The following TSGA10 variants were observed in gnomAD, a reference collection of about 807,000 sequenced individuals.
TSGA10 encodes testis specific 10.
A neutral mutation model predicts 96.6 loss-of-function variants in TSGA10; 43 were observed. The observed-to-expected ratio is 0.44, with a 90% confidence interval of 0.35 to 0.57. TSGA10 has a LOEUF of 0.57. Ranked by LOEUF, TSGA10 falls within the 20% of genes least tolerant of loss-of-function variation. TSGA10 has a pLI of 0.01. For missense variants in TSGA10, 703 were observed against 834.4 expected (o/e 0.84, Z 1.94); for synonymous variants, 229 against 269.9 (o/e 0.85, Z 1.48).
chr2:99,126,862 G>A (rs779678984), intron 2 of TSGA10, 186 bp downstream of exon 2: 54 of 373,180 alleles, frequency 1.4e-4, no homozygotes, highest in Non-Finnish European at 1.3e-4. Context: ...CACTTGACAC[G>A]TAGTTTGCAC....
At chr2:99,099,529 G>C (rs2090462644) in intron 10 of TSGA10, among the ~76,000 whole-genome samples, 1 of 151,988 alleles carries the variant, frequency 6.6e-6, no homozygotes, top group South Asian at 2.1e-4. Flanking sequence ...CATTTTAACA[G>C]AATAAGGGAG....
chr2:99,030,246 T>C (rs1237903752), intron 17 of TSGA10, among the ~76,000 whole-genome samples: 2 of 151,698 alleles, frequency 1.3e-5, no homozygotes, highest in African/African-American at 4.8e-5. Context: ...ACTCGGGAGG[T>C]TGAGGCAGGA....
intron 16 of TSGA10, among the ~76,000 whole-genome samples, chr2:99,045,534 G>A (rs2104285179): frequency 6.6e-6 from 1 of 152,286 alleles, no homozygotes; most frequent in Middle Eastern, 3.4e-3. Flanking sequence ...AGCAAATGCT[G>A]AGAGATTTTG....
chr2:99,103,863 T>C, intron 10 of TSGA10, 104 bp downstream of exon 10: 1 of 1,368,242 alleles, frequency 7.3e-7, no homozygotes, highest in Non-Finnish European at 9.9e-7. Context: ...AATAATCCTC[T>C]CAGAAACTGA....
intron 14 of TSGA10, among the ~76,000 whole-genome samples, chr2:99,069,468 A>G (rs1209011276): frequency 6.6e-6 from 1 of 152,028 alleles, no homozygotes; most frequent in Non-Finnish European, 1.5e-5. Flanking sequence ...AAGGTGGGAA[A>G]TGGCACATGG....
intron 4 of TSGA10, among the ~76,000 whole-genome samples, chr2:99,115,268 A>G (rs2092159637): frequency 6.6e-6 from 1 of 152,136 alleles, no homozygotes; most frequent in South Asian, 2.1e-4. Flanking sequence ...GACAGATGGA[A>G]ATCAATTTAC....
intron 1 of TSGA10, chr2:99,146,904 G>A (rs985927327): frequency 6.6e-6 from 1 of 152,408 alleles, no homozygotes; most frequent in Non-Finnish European, 1.5e-5. Context: ...TAGGATTACA[G>A]GCGTGAGCCA....
At chr2:99,119,824 CTTA>C (rs2092477686) in intron 2 of TSGA10, among the ~76,000 whole-genome samples, 3 of 152,146 alleles carry the variant, frequency 2.0e-5, no homozygotes, top group Admixed American at 2.0e-4. Context: ...TTACCCTACC[CTTA>C]TTATTTCAGC....
At chr2:99,013,481 T>G (rs2079187826) in intron 20 of TSGA10, among the ~76,000 whole-genome samples, 1 of 151,616 alleles carries the variant, frequency 6.6e-6, no homozygotes, top group African/African-American at 2.4e-5. Context: ...TACAGGTGCC[T>G]GCCACCACGC....
At chr2:99,150,030 T>C (rs950452688) in intron 1 of TSGA10, among the ~76,000 whole-genome samples, 2 of 151,958 alleles carry the variant, frequency 1.3e-5, no homozygotes, top group African/African-American at 4.8e-5. Context: ...TAACCTTTGG[T>C]GATCCACCCG....
At chr2:99,024,878 C>T (rs529885314) in intron 17 of TSGA10, among the ~76,000 whole-genome samples, 1 of 152,228 alleles carries the variant, frequency 6.6e-6, no homozygotes, top group South Asian at 2.1e-4. Flanking sequence ...AATGCTTTTT[C>T]TGCATCCATT....
intron 15 of TSGA10, among the ~76,000 whole-genome samples, chr2:99,067,202 T>C (rs898429520): frequency 7.2e-5 from 11 of 152,192 alleles, no homozygotes; most frequent in Non-Finnish European, 1.5e-4. Context: ...TTTTCATCTC[T>C]GGCACTCCAG....
At chr2:99,006,666 G>C (rs2078507391) in intron 20 of TSGA10, among the ~76,000 whole-genome samples, 1 of 152,206 alleles carries the variant, frequency 6.6e-6, no homozygotes, top group African/African-American at 2.4e-5. Flanking sequence ...AGAGGATGTG[G>C]AGAAATAGGA....
intron 17 of TSGA10, among the ~76,000 whole-genome samples, chr2:99,029,558 C>T (rs1286006818): frequency 2.0e-5 from 3 of 152,030 alleles, no homozygotes; most frequent in African/African-American, 7.2e-5. Context: ...TTAAAATTAC[C>T]TGAATGATCT....
intron 17 of TSGA10, among the ~76,000 whole-genome samples, chr2:99,031,286 CAAAAAAA>C (rs70940132): frequency 1.5e-4 from 7 of 46,380 alleles, no homozygotes; most frequent in Non-Finnish European, 2.5e-4. Context: ...ACTCATAGGC[CAAAAAAA>C]AAAAAAAAAA....
intron 16 of TSGA10, among the ~76,000 whole-genome samples, chr2:99,049,214 G>A (rs1170931924): frequency 1.3e-5 from 2 of 152,172 alleles, no homozygotes; most frequent in Admixed American, 1.3e-4. Context: ...ATTTGACCCA[G>A]CAATCCCATT....
intron 12 of TSGA10, among the ~76,000 whole-genome samples, chr2:99,077,375 G>A (rs138008768): frequency 0.011 from 1,626 of 152,056 alleles, 8 homozygotes; most frequent in Middle Eastern, 0.027. Flanking sequence ...TGAATGGATG[G>A]ATGGAAACAT....
chr2:99,135,353 C>G (rs564868080), intron 1 of TSGA10, among the ~76,000 whole-genome samples: 1 of 152,202 alleles, frequency 6.6e-6, no homozygotes, highest in South Asian at 2.1e-4. Flanking sequence ...CCACCCAGTT[C>G]GAACTTCCCA....
At chr2:99,015,116 C>T (rs915968488) in intron 20 of TSGA10, among the ~76,000 whole-genome samples, 6 of 152,042 alleles carry the variant, frequency 3.9e-5, no homozygotes, top group African/African-American at 7.2e-5. Context: ...TAGAGAAAGA[C>T]GGAATCCTCC....
Sources: allele counts gnomAD v4.1 joint callset (sites outside exome capture counted in the v4.1 genomes callset), GRCh38; gene constraint gnomAD v4.1.1; transcripts MANE v1.5; gene names NCBI Gene and HGNC (gene_info 2026-07-23, HGNC 2026-07-21).